ZC3H12B: variants seen among roughly 807,000 people sequenced by gnomAD.
ZC3H12B encodes probable ribonuclease ZC3H12B.
ZC3H12B carries 7 observed loss-of-function variants against 43.9 expected under a neutral mutation model. The ratio of observed to expected loss-of-function variants is 0.16; its 90% CI spans 0.09 to 0.30. ZC3H12B has a LOEUF of 0.30. Among genes scored for constraint, ZC3H12B ranks in the 10% least tolerant of loss-of-function variants. The pLI, the probability that ZC3H12B is intolerant of heterozygous loss-of-function variation, is 1.00. For synonymous variants in ZC3H12B, 222 were observed against 241.7 expected (o/e 0.92, Z 0.76); for missense variants, 475 against 670.2 (o/e 0.71, Z 3.22).
chrX:65,060,888 A>C, the ZC3H12B span, among the ~76,000 whole-genome samples: 1 of 111,790 alleles, frequency 8.9e-6, no homozygotes, highest in Non-Finnish European at 1.9e-5. Context: ...TGAAGCCATC[A>C]GGTCCCAGGA....
chrX:65,454,125 A>T (rs2067566545), intron 3 of ZC3H12B, among the ~76,000 whole-genome samples: 1 of 112,508 alleles, frequency 8.9e-6, no homozygotes, highest in African/African-American at 3.2e-5. Context: ...CTCACTGGGG[A>T]TTGTCAGACA....
At chrX:65,087,775 G>A in the ZC3H12B span, among the ~76,000 whole-genome samples, 11 of 111,944 alleles carry the variant, frequency 9.8e-5, no homozygotes, top group Non-Finnish European at 2.1e-4. Flanking sequence ...GAAAACTGTT[G>A]TTTATGTCAG....
chrX:65,135,514 A>G, the ZC3H12B span, among the ~76,000 whole-genome samples: 2 of 107,587 alleles, frequency 1.9e-5, no homozygotes, highest in African/African-American at 7.0e-5. Context: ...TAATTATAAT[A>G]TATATTATAA....
At chrX:65,194,697 G>A in the ZC3H12B span, among the ~76,000 whole-genome samples, 1 of 111,845 alleles carries the variant, frequency 8.9e-6, no homozygotes, top group Non-Finnish European at 1.9e-5. Flanking sequence ...CTTTTTAGTC[G>A]ATAGTGCAGA....
chrX:65,122,618 G>T, the ZC3H12B span, among the ~76,000 whole-genome samples: 2 of 111,217 alleles, frequency 1.8e-5, no homozygotes, highest in Non-Finnish European at 3.8e-5. Context: ...AGACCCGTCA[G>T]TATGCTGTAT....
chrX:65,379,257 T>C (rs2066398921), intron 2 of ZC3H12B, among the ~76,000 whole-genome samples: 1 of 111,574 alleles, frequency 9.0e-6, no homozygotes, highest in African/African-American at 3.3e-5. Context: ...CAGCTGGAGA[T>C]CCGAGAAAGG....
chrX:65,118,205 T>C, the ZC3H12B span, among the ~76,000 whole-genome samples: 2 of 112,076 alleles, frequency 1.8e-5, no homozygotes, highest in South Asian at 7.4e-4. Context: ...CATGGAATGT[T>C]CTTCCATTTG....
At chrX:65,058,261 G>T in the ZC3H12B span, among the ~76,000 whole-genome samples, 1 of 111,733 alleles carries the variant, frequency 8.9e-6, no homozygotes, top group Non-Finnish European at 1.9e-5. Context: ...TGGGGTTTTG[G>T]TGTGGATGTC....
At chrX:65,099,444 C>T in the ZC3H12B span, among the ~76,000 whole-genome samples, 3 of 111,657 alleles carry the variant, frequency 2.7e-5, no homozygotes, top group Non-Finnish European at 5.6e-5. Flanking sequence ...GAGAAACCTC[C>T]CAATGGGTTG....
At chrX:65,421,689 C>T (rs1402393951) in intron 3 of ZC3H12B, among the ~76,000 whole-genome samples, 5 of 112,109 alleles carry the variant, frequency 4.5e-5, no homozygotes, top group Admixed American at 9.4e-5. Context: ...GGGCCAGGTG[C>T]GGTGGCTCAC....
the ZC3H12B span, among the ~76,000 whole-genome samples, chrX:65,324,424 T>C: frequency 2.7e-5 from 3 of 111,716 alleles, no homozygotes; most frequent in Non-Finnish European, 5.7e-5. Flanking sequence ...CCTTTCTTTT[T>C]TCATGTGAGC....
At chrX:65,314,067 TAGA>T in the ZC3H12B span, among the ~76,000 whole-genome samples, 1 of 111,232 alleles carries the variant, frequency 9.0e-6, no homozygotes, top group African/African-American at 3.3e-5. Flanking sequence ...ATTGGGATGA[TAGA>T]AGGAACTACC....
the ZC3H12B span, among the ~76,000 whole-genome samples, chrX:65,297,499 G>A: frequency 2.7e-5 from 3 of 111,526 alleles, no homozygotes; most frequent in African/African-American, 9.8e-5. Context: ...AATTATATAT[G>A]ACACAAACAA....
chrX:65,253,399 A>T, the ZC3H12B span, among the ~76,000 whole-genome samples: 16 of 112,244 alleles, frequency 1.4e-4, no homozygotes, highest in African/African-American at 5.2e-4. Flanking sequence ...ACCCCCACAG[A>T]CAAGTGGCAA....
At chrX:65,246,541 T>A in the ZC3H12B span, among the ~76,000 whole-genome samples, 2 of 111,912 alleles carry the variant, frequency 1.8e-5, no homozygotes, top group Non-Finnish European at 3.8e-5. Flanking sequence ...CAAAACAGCC[T>A]GGTACTGGTA....
At chrX:65,326,196 A>G in the ZC3H12B span, among the ~76,000 whole-genome samples, 1 of 111,946 alleles carries the variant, frequency 8.9e-6, no homozygotes, top group Admixed American at 9.5e-5. Flanking sequence ...GTTTCTGTGC[A>G]ACAAAGGAAA....
At chrX:65,269,828 G>C in the ZC3H12B span, among the ~76,000 whole-genome samples, 24 of 111,266 alleles carry the variant, frequency 2.2e-4, 1 homozygote, top group South Asian at 1.1e-3. Flanking sequence ...AAAAAAGGAA[G>C]TGAAAGATTT....
chrX:65,453,256 A>T (rs183326417), intron 3 of ZC3H12B, among the ~76,000 whole-genome samples: 17 of 104,165 alleles, frequency 1.6e-4, no homozygotes, highest in Non-Finnish European at 2.6e-4. Context: ...ATATGTATCC[A>T]GAGGAAAAGA....
At chrX:65,212,263 T>TAATATAATATATAA in the ZC3H12B span, among the ~76,000 whole-genome samples, 1 of 46,379 alleles carries the variant, frequency 2.2e-5, no homozygotes, top group African/African-American at 1.3e-4. Context: ...ATATAATATA[T>TAATATAATATATAA]TATATAATAT....
Sources: gnomAD v4.1 joint callset for allele counts (sites outside exome capture counted in the v4.1 genomes callset) on GRCh38, gnomAD v4.1.1 for gene constraint, MANE v1.5 for transcripts, NCBI Gene and HGNC (gene_info 2026-07-23, HGNC 2026-07-21) for gene names.